The following ULK4 variants were observed in gnomAD, a reference collection of about 807,000 sequenced individuals.
ULK4 encodes unc-51 like kinase 4.
ULK4 carries 133 observed loss-of-function variants against 160.6 expected under a neutral mutation model. That is an observed-to-expected ratio of 0.83 (90% CI 0.72 to 0.96). The LOEUF is 0.96. Ranked by LOEUF, ULK4 falls within the 40% of genes least tolerant of loss-of-function variation. The pLI, the probability that ULK4 is intolerant of heterozygous loss-of-function variation, is 0.00. For synonymous variants in ULK4, 534 were observed against 539.8 expected, an observed-to-expected ratio of 0.99 and a Z score of 0.15; for missense variants, 1,580 against 1,499.5, an observed-to-expected ratio of 1.05 and a Z score of -0.89.
chr3:41,631,845 G>C (rs546020684), intron 30 of ULK4, among the ~76,000 whole-genome samples: 1 of 152,088 alleles, frequency 6.6e-6, no homozygotes, highest in Non-Finnish European at 1.5e-5. Flanking sequence ...TGATGTGGTT[G>C]CAAGTCCTGT....
At chr3:41,960,156 T>C (rs1467704405) in intron 1 of ULK4, among the ~76,000 whole-genome samples, 2 of 152,066 alleles carry the variant, frequency 1.3e-5, no homozygotes, top group Non-Finnish European at 1.5e-5. Context: ...ATCCAGCCCA[T>C]CTTGAAATTT....
intron 3 of ULK4, among the ~76,000 whole-genome samples, chr3:41,936,857 C>A (rs1310968839): frequency 6.6e-6 from 1 of 152,032 alleles, no homozygotes; most frequent in African/African-American, 2.4e-5. Flanking sequence ...TTTGATAGTA[C>A]AACAAGTAGC....
At chr3:41,562,678 TAA>T (rs2087630844) in intron 32 of ULK4, among the ~76,000 whole-genome samples, 1 of 151,078 alleles carries the variant, frequency 6.6e-6, no homozygotes, top group African/African-American at 2.4e-5. Context: ...ACTGGGATTG[TAA>T]CCCCTGCTTT....
At chr3:41,919,941 T>A (rs1699128137) in intron 5 of ULK4, 123 bp from the exon 6 acceptor site, 1 of 529,216 alleles carries the variant, frequency 1.9e-6, no homozygotes, top group African/African-American at 1.9e-5. Flanking sequence ...TGAATAAAAC[T>A]TCATGTGCAT....
At chr3:41,748,389 T>C (rs988374920) in intron 22 of ULK4, among the ~76,000 whole-genome samples, 1 of 151,792 alleles carries the variant, frequency 6.6e-6, no homozygotes, top group African/African-American at 2.4e-5. Flanking sequence ...CCAAATGCAG[T>C]TTAAGGTTTC....
chr3:41,643,011 A>G (rs2034297866), intron 30 of ULK4, among the ~76,000 whole-genome samples: 2 of 152,098 alleles, frequency 1.3e-5, no homozygotes, highest in South Asian at 4.1e-4. Context: ...GTCTGTTCAT[A>G]TCCTTCGCCC....
At chr3:41,765,872 A>G (rs1464015488) in intron 21 of ULK4, among the ~76,000 whole-genome samples, 1 of 152,228 alleles carries the variant, frequency 6.6e-6, no homozygotes, top group Non-Finnish European at 1.5e-5. Flanking sequence ...CAACAAAATG[A>G]TATGAACAAG....
chr3:41,959,299 G>A (rs967339693), intron 1 of ULK4, among the ~76,000 whole-genome samples: 6 of 151,270 alleles, frequency 4.0e-5, no homozygotes, highest in South Asian at 2.1e-4. Flanking sequence ...GGGAGGCGGA[G>A]GCTGCAGTGA....
At chr3:41,844,354 C>T (rs931775790) in intron 17 of ULK4, among the ~76,000 whole-genome samples, 10 of 152,170 alleles carry the variant, frequency 6.6e-5, no homozygotes, top group African/African-American at 2.2e-4. Flanking sequence ...TCGAGCGCAG[C>T]GCCGGTGGGC....
rs149120130 is a variant in ULK4, at chr3:41,367,517, G to A, written c.3678+30562C>T. 6.2e-3 allele frequency among the ~76,000 whole-genome samples: 950 copies of A among 152,234 alleles called. 8 individuals carry two copies. Among genetic ancestry groups the A allele is most frequent in the African/African-American group, 0.022 (916 of 41,534 alleles). ...TATATCCTGTGGTGAGCAGCTCCAT[G>A]GCTGGAGCTGGGGCCCACGCTTCGC... On this transcript the variant is annotated intron_variant, in intron 35 of 36. Coordinates refer to ENST00000301831, the MANE Select transcript of ULK4 (RefSeq NM_017886.4).
chr3:41,728,742 A>G (rs942798574), intron 22 of ULK4, among the ~76,000 whole-genome samples: 6 of 152,230 alleles, frequency 3.9e-5, no homozygotes, highest in African/African-American at 1.2e-4. Context: ...TTCAAGAAGG[A>G]AACAGTAGAC....
Position 41,455,566 on chromosome 3 carries a change from A to G in ULK4, c.3423T>C (p.Pro1141=), listed in dbSNP as rs1249416519. ...GCAGCAGCAGGTCTTCTGCAGCCTG[A>G]GGGTCCTCTCCTGAGCCAGACTTCT... is the stretch of plus-strand genomic sequence containing the variant. ...QAQKSGSGED[P]QAAEDLLLLN... The change falls in exon 34 of 37, where the codon CCT becomes CCC. Residue 1141 remains proline (P), a synonymous_variant. Transcript: ENST00000301831. 6.2e-7 allele frequency: 1 copy of G among 1,613,874 alleles called. No individual in the cohort carries two copies. The highest frequency in any genetic ancestry group is 1.3e-5 in the African/African-American group (1 of 74,910).
At chr3:41,396,712 G>A (rs1021342354) in intron 35 of ULK4, among the ~76,000 whole-genome samples, 2 of 152,186 alleles carry the variant, frequency 1.3e-5, no homozygotes, top group African/African-American at 4.8e-5. Flanking sequence ...GCCTCACTAC[G>A]TGATTCCACA....
At chr3:41,305,574 G>A (rs10049003) in intron 35 of ULK4, among the ~76,000 whole-genome samples, 3 of 151,926 alleles carry the variant, frequency 2.0e-5, no homozygotes, top group Non-Finnish European at 4.4e-5. Flanking sequence ...TCGCTACAAC[G>A]TCCACCTCCC....
intron 17 of ULK4, among the ~76,000 whole-genome samples, chr3:41,880,632 G>A (rs983434208): frequency 7.2e-5 from 11 of 152,138 alleles, no homozygotes; most frequent in African/African-American, 1.7e-4. Flanking sequence ...CCATTAAAAT[G>A]CTTATAGGGG....
intron 34 of ULK4, among the ~76,000 whole-genome samples, chr3:41,445,296 G>A (rs1226442677): frequency 6.6e-5 from 10 of 152,238 alleles, no homozygotes; most frequent in Admixed American, 1.3e-4. Context: ...TGGCCATACT[G>A]CCCAAGGTAA....
At chr3:41,743,080 T>C (rs1320041819) in intron 22 of ULK4, among the ~76,000 whole-genome samples, 2 of 151,592 alleles carry the variant, frequency 1.3e-5, no homozygotes, top group East Asian at 3.9e-4. Flanking sequence ...CCAAAAAATA[T>C]CCAAATTCAG....
chr3:41,444,403 A>ACAGATACT (rs1442556998), intron 34 of ULK4, among the ~76,000 whole-genome samples: 4 of 147,676 alleles, frequency 2.7e-5, no homozygotes, highest in African/African-American at 7.9e-5. Flanking sequence ...GTATATATAT[A>ACAGATACT]ATCTCCTTAC....
chr3:41,540,816 G>A (rs1363694117), intron 32 of ULK4, among the ~76,000 whole-genome samples: 2 of 152,094 alleles, frequency 1.3e-5, no homozygotes, highest in Non-Finnish European at 2.9e-5. Context: ...TATGTTTGTT[G>A]GCTGCATAAA....
Sources: gnomAD v4.1 joint callset for allele counts (sites outside exome capture counted in the v4.1 genomes callset) on GRCh38, gnomAD v4.1.1 for gene constraint, MANE v1.5 for transcripts, NCBI Gene and HGNC (gene_info 2026-07-23, HGNC 2026-07-21) for gene names.